The following ALG13 variants were observed in gnomAD, a reference collection of about 807,000 sequenced individuals.
ALG13 encodes the protein ALG13 UDP-N-acetylglucosaminyltransferase subunit, also known as UDP-N-acetylglucosamine transferase subunit ALG13.
A neutral mutation model predicts 87.8 loss-of-function variants in ALG13; 11 were observed. The observed-to-expected ratio is 0.13, with a 90% CI of 0.08 to 0.21. ALG13 has a LOEUF of 0.21. Among genes scored for constraint, ALG13 ranks in the 10% least tolerant of loss-of-function variants. The pLI, the probability that ALG13 is intolerant of heterozygous loss-of-function variation, is 1.00. For synonymous variants in ALG13, 320 were observed against 306.3 expected (o/e 1.04, Z -0.47); for missense variants, 756 against 866.1 (o/e 0.87, Z 1.60).
At chrX:111,748,990 G>A (rs1399132066) in intron 24 of ALG13, among the ~76,000 whole-genome samples, 2 of 110,471 alleles carry the variant, frequency 1.8e-5, no homozygotes, top group Non-Finnish European at 3.8e-5. Flanking sequence ...GGCTGAGGCC[G>A]GAGAATCACT....
chrX:111,707,935 ACT>A, intron 3 of ALG13, 90 bp from the exon 4 acceptor site: 1 of 946,089 alleles, frequency 1.1e-6, no homozygotes, highest in Non-Finnish European at 1.4e-6. Context: ...CAAGGAGGTA[ACT>A]CTAAGTACTT....
intron 5 of ALG13, among the ~76,000 whole-genome samples, chrX:111,710,144 C>T (rs1939493122): frequency 1.8e-5 from 2 of 109,809 alleles, no homozygotes; most frequent in African/African-American, 6.6e-5. Context: ...ATCCTCCCAC[C>T]TCAGCCTCCA....
In ALG13 at chrX:111,760,132, A is replaced by G. The variant is rs1302368931; in HGVS notation, c.*133A>G. 22 of 754,974 alleles carry G rather than the reference A, an allele frequency of 2.9e-5. No homozygotes were observed. The highest frequency in any genetic ancestry group is 3.8e-5 in the Non-Finnish European group (21 of 546,317). The allele number at this position is 754,974 out of a possible 1,213,427, so 62.2% of individuals were successfully genotyped here. On this transcript the variant is annotated 3_prime_UTR_variant, in exon 27 of 27. Transcript: ENST00000394780. Reference sequence around the variant, plus strand: ...TTGTATTTGTCTTTAAAATTATTTTATCTTTTGATTTAAAATAGTACTTTA... The same window carrying G: ...TTGTATTTGTCTTTAAAATTATTTTGTCTTTTGATTTAAAATAGTACTTTA...
chrX:111,730,622 G>A, intron 21 of ALG13, 42 bp downstream of exon 21: 1 of 1,007,466 alleles, frequency 9.9e-7, no homozygotes, highest in Non-Finnish European at 1.4e-6. Context: ...CTCCTACTAT[G>A]TACTAGGGCA....
At chrX:111,756,001 CT>C (rs1945214278) in intron 25 of ALG13, among the ~76,000 whole-genome samples, 1 of 112,313 alleles carries the variant, frequency 8.9e-6, no homozygotes, top group African/African-American at 3.2e-5. Flanking sequence ...ATGCCAAAGA[CT>C]TGGAACCAAC....
intron 3 of ALG13, among the ~76,000 whole-genome samples, chrX:111,685,640 TAAG>T (rs1233624175): frequency 8.9e-6 from 1 of 112,391 alleles, no homozygotes; most frequent in Non-Finnish European, 1.9e-5. Flanking sequence ...AAATTGATAA[TAAG>T]TTCACAAATA....
chrX:111,712,340 T>G lies in ALG13; in HGVS notation c.886-144T>G, dbSNP rs972801101. ...TGTTAATAAGTAGCTATCACAGTAT[T>G]CCAAGCCTTAAAACAGGTTATAGTG... On this transcript the variant is annotated intron_variant, in intron 6 of 26. Coordinates refer to ENST00000394780, the MANE Select transcript of ALG13 (RefSeq NM_001099922.3). 7 of 340,998 alleles carry G rather than the reference T, an allele frequency of 2.1e-5. No homozygotes were observed. In the Admixed American group the frequency reaches 3.6e-4, roughly 18 times the overall value. The allele number at this position is 340,998 out of a possible 1,213,427, so 28.1% of individuals were successfully genotyped here.
chrX:111,736,906 G>C, intron 23 of ALG13, 27 bp downstream of exon 23: 3 of 1,164,405 alleles, frequency 2.6e-6, no homozygotes, highest in Non-Finnish European at 3.5e-6. Context: ...TGCTTACTTT[G>C]GAAGCCTCTT....
intron 1 of ALG13, 111 bp downstream of exon 1, chrX:111,681,410 G>A: frequency 1.7e-6 from 2 of 1,167,792 alleles, no homozygotes; most frequent in Non-Finnish European, 2.3e-6. Context: ...AGAAACCCCC[G>A]CAACTCTACC....
In ALG13 at chrX:111,729,696, C is replaced by T. The variant is rs145181142; in HGVS notation, c.2369-699C>T. On this transcript the variant is annotated intron_variant, in intron 19 of 26. Coordinates refer to ENST00000394780, the MANE Select transcript of ALG13 (RefSeq NM_001099922.3). ...GGTTTATATTTGGTGGAAAACTGTC[C>T]GATTGAGTATTGACTTTCTCTGCAT... Among the ~76,000 whole-genome samples the T allele has an allele frequency of 5.0e-3, 557 of 111,444 alleles. 4 individuals are homozygous for T. Among genetic ancestry groups the T allele is most frequent in the Non-Finnish European group, 6.1e-3 (326 of 53,062 alleles).
intron 3 of ALG13, chrX:111,688,117 A>T (rs890388657): frequency 1.2e-6 from 1 of 854,204 alleles, no homozygotes; most frequent in African/African-American, 2.1e-5. Flanking sequence ...TAAACTTCCT[A>T]CATCTATAGA....
At chrX:111,710,229 C>T (rs750219532) in intron 5 of ALG13, among the ~76,000 whole-genome samples, 13 of 110,321 alleles carry the variant, frequency 1.2e-4, no homozygotes, top group Admixed American at 3.9e-4. Context: ...GATGGGGTTT[C>T]GCCATGTTGC....
At chrX:111,684,003 A>G (rs896581366) in intron 2 of ALG13, among the ~76,000 whole-genome samples, 5 of 111,942 alleles carry the variant, frequency 4.5e-5, no homozygotes, top group Non-Finnish European at 9.4e-5. Context: ...CATACTCCAG[A>G]TGGCCCATCG....
chrX:111,755,483 G>T (rs761054865), intron 25 of ALG13, among the ~76,000 whole-genome samples: 1 of 112,251 alleles, frequency 8.9e-6, no homozygotes, highest in Admixed American at 9.4e-5. Context: ...GAACCTATCA[G>T]TGTGAACAGG....
chrX:111,726,129 T>C (rs1468831083), intron 15 of ALG13, among the ~76,000 whole-genome samples: 2 of 108,012 alleles, frequency 1.9e-5, no homozygotes, highest in Non-Finnish European at 3.8e-5. Flanking sequence ...GTATTTTTAG[T>C]AGAGATGGGG....
At chrX:111,756,838 G>A (rs771273593) in intron 25 of ALG13, among the ~76,000 whole-genome samples, 1 of 111,597 alleles carries the variant, frequency 9.0e-6, no homozygotes, top group East Asian at 2.8e-4. Context: ...TTTGTTCTTT[G>A]AGACTATTTT....
chrX:111,744,770 C>T lies in ALG13; in HGVS notation c.2798C>T (p.Pro933Leu). The T allele has an allele frequency of 2.6e-6, 2 of 759,520 alleles. No homozygotes were observed. The highest frequency in any genetic ancestry group is 5.4e-4 in the Middle Eastern group (1 of 1,844). 62.6% of individuals were successfully genotyped at this position (759,520 alleles called of 1,213,427 possible). ...PPPPPPPPPP[P>L]PPPPPPPPPP... ...CCACCACCACCACCACCACCACCAC[C>T]TCCTCCTCCTCCTCCTCCTCCTCCT... Residue 933 changes from proline to leucine, a missense_variant, in exon 24 of 27, where the codon CCT (proline) becomes CTT (leucine). Pro to Leu is a moderately conservative substitution (Grantham distance 98). Coordinates refer to ENST00000394780, the MANE Select transcript of ALG13 (RefSeq NM_001099922.3).
chrX:111,724,785 T>C, intron 14 of ALG13, 149 bp from the exon 15 acceptor site: 1 of 578,124 alleles, frequency 1.7e-6, no homozygotes, highest in Non-Finnish European at 2.7e-6. Context: ...CTCTTAAGTT[T>C]TCTAAACTAA....
rs766442912 is a variant in ALG13, at chrX:111,694,189, G to C, written c.383+9086G>C. ...CTCCGGAGTAGCTGGGACTACAGGC[G>C]CCCACCACCATGCCCAGCTAATTTT... On this transcript the variant is annotated intron_variant, in intron 3 of 26. Coordinates refer to ENST00000394780, the MANE Select transcript of ALG13 (RefSeq NM_001099922.3). 3.2e-4 allele frequency among the ~76,000 whole-genome samples: 35 copies of C among 109,469 alleles called. No individual in the cohort carries two copies. In the East Asian group the frequency reaches 9.4e-3, roughly 30 times the overall value.
Sources: allele counts gnomAD v4.1 joint callset (sites outside exome capture counted in the v4.1 genomes callset), GRCh38; gene constraint gnomAD v4.1.1; transcripts MANE v1.5; gene names NCBI Gene and HGNC (gene_info 2026-07-23, HGNC 2026-07-21).